The following ETV7 variants were observed in gnomAD, a reference collection of about 807,000 sequenced individuals.
The protein encoded by ETV7 is transcription factor ETV7.
Under a neutral mutation model 39.1 loss-of-function variants are expected in ETV7, and 43 were observed. The ratio of observed to expected loss-of-function variants is 1.10; its 90% CI spans 0.86 to 1.42. The LOEUF is 1.42. ETV7 is among the 40% of genes most tolerant of loss of function. ETV7 has a pLI of 0.00. For synonymous variants in ETV7, 196 were observed against 176.6 expected (o/e 1.11, Z -0.87); for missense variants, 432 against 442.3 (o/e 0.98, Z 0.21).
Position 36,366,250 on chromosome 6 carries a change from ACACTTTTTCCC to A in ETV7, c.*384_*394del. The A allele has an allele frequency of 9.6e-7, 1 of 1,045,174 alleles. No homozygotes were observed. Among genetic ancestry groups the A allele is most frequent in the South Asian group, 3.8e-5 (1 of 26,606 alleles). The allele number at this position is 1,045,174 out of a possible 1,614,324, so 64.7% of individuals were successfully genotyped here. ...CTGTCAGTGCCGCCTGGAAGCACTA[ACACTTTTTCCC>A]ATTTCCTGCCTCAGCCCATTTCACA... On this transcript the variant is annotated 3_prime_UTR_variant, in exon 8 of 8. Coordinates refer to ENST00000340181, the MANE Select transcript of ETV7 (RefSeq NM_016135.4).
intron 1 of ETV7, 86 bp downstream of exon 1, chr6:36,387,450 A>C: frequency 6.4e-7 from 1 of 1,564,052 alleles, no homozygotes; most frequent in East Asian, 2.2e-5. Context: ...CTGATAAAAT[A>C]GGTTTGGAAA....
chr6:36,387,094 C>CG (rs1773943365), intron 1 of ETV7, among the ~76,000 whole-genome samples: 1 of 152,038 alleles, frequency 6.6e-6, no homozygotes, highest in African/African-American at 2.4e-5. Context: ...TGGAGTGGGA[C>CG]GGGGCGCCAG....
chr6:36,387,663 G>T lies in ETV7; in HGVS notation c.-122C>A. ...CGCCAAACCCCTAACCTGGCTCCGAGAACTGGAAGGTCGCGTGGGAGGAAA... is the reference window on the plus strand; with the variant it reads ...CGCCAAACCCCTAACCTGGCTCCGATAACTGGAAGGTCGCGTGGGAGGAAA... On this transcript the variant is annotated 5_prime_UTR_variant, in exon 1 of 8. Coordinates refer to ENST00000340181, the MANE Select transcript of ETV7 (RefSeq NM_016135.4). 9.0e-7 allele frequency: 1 copy of T among 1,107,998 alleles called. No homozygotes were observed. The highest frequency in any genetic ancestry group is 1.3e-6 in the Non-Finnish European group (1 of 752,698). 68.6% of individuals were successfully genotyped at this position (1,107,998 alleles called of 1,614,324 possible).
intron 4 of ETV7, among the ~76,000 whole-genome samples, 198 bp from the exon 5 acceptor site, chr6:36,371,758 C>A (rs1582191185): frequency 6.6e-6 from 1 of 152,232 alleles, no homozygotes; most frequent in African/African-American, 2.4e-5. Flanking sequence ...AACCCCAGCT[C>A]CCACACAAGT....
In ETV7 at chr6:36,371,410, C is replaced by A; in HGVS notation, c.584G>T (p.Cys195Phe). The A allele has an allele frequency of 6.2e-7, 1 of 1,603,226 alleles. No individual in the cohort carries two copies. Among genetic ancestry groups the A allele is most frequent in the Non-Finnish European group, 8.5e-7 (1 of 1,174,262 alleles). The change falls in exon 5 of 8, where the codon TGT becomes TTT. Residue 195 changes from cysteine to phenylalanine, a missense_variant. Coordinates refer to ENST00000340181, the MANE Select transcript of ETV7 (RefSeq NM_016135.4). ...GKEESLNLCH[C>F]AELGCRTQGV... ...CTGGGTCCTGCAGCCGAGCTCTGCACAGTGACATAAGTTGAGGGACTCCTC... is the reference window on the plus strand; with the variant it reads ...CTGGGTCCTGCAGCCGAGCTCTGCAAAGTGACATAAGTTGAGGGACTCCTC...
At chr6:36,363,692 G>A (rs1469402871), downstream of ETV7, among the ~76,000 whole-genome samples, 1 of 152,178 alleles carries the variant, frequency 6.6e-6, no homozygotes. Flanking sequence ...GATTGGTAGA[G>A]CCCAGTGGTC....
At chr6:36,375,407 C>T (rs1220481688) in intron 3 of ETV7, among the ~76,000 whole-genome samples, 2 of 152,212 alleles carry the variant, frequency 1.3e-5, no homozygotes, top group African/African-American at 4.8e-5. Flanking sequence ...CATCATCTGA[C>T]ATTCATTCCT....
At chr6:36,355,978 A>G (rs1001722344) in intron 7 of ETV7, among the ~76,000 whole-genome samples, 1 of 152,238 alleles carries the variant, frequency 6.6e-6, no homozygotes, top group African/African-American at 2.4e-5. Flanking sequence ...GAACTTAAAG[A>G]GTATCAAACA....
Position 36,366,600 on chromosome 6 carries a change from G to C in ETV7, c.*45C>G. ...AGGAGTCTGCCTTCATGGGAGACTC[G>C]GTCCCTGCCCCATCGGTACCGGGTG... On this transcript the variant is annotated 3_prime_UTR_variant, in exon 8 of 8. Coordinates refer to ENST00000340181, the MANE Select transcript of ETV7 (RefSeq NM_016135.4). 6.2e-7 allele frequency: 1 copy of C among 1,613,054 alleles called. No individual in the cohort carries two copies. The highest frequency in any genetic ancestry group is 8.5e-7 in the Non-Finnish European group (1 of 1,179,422).
chr6:36,381,547 C>T (rs925743864), intron 2 of ETV7, among the ~76,000 whole-genome samples: 6 of 152,218 alleles, frequency 3.9e-5, no homozygotes, highest in Admixed American at 2.6e-4. Flanking sequence ...AACAGAGAGA[C>T]TAGCTTGCTT....
intron 7 of ETV7, among the ~76,000 whole-genome samples, chr6:36,355,359 TTTA>T (rs1474330295): frequency 6.6e-6 from 1 of 152,184 alleles, no homozygotes; most frequent in Non-Finnish European, 1.5e-5. Context: ...TGTCTTTCAT[TTTA>T]TTAGTGTGGT....
At chr6:36,362,750 GTGATTCA>G (rs1401148292), downstream of ETV7, among the ~76,000 whole-genome samples, 5 of 152,226 alleles carry the variant, frequency 3.3e-5, no homozygotes, top group Non-Finnish European at 7.3e-5. Context: ...ATCTCTGGCA[GTGATTCA>G]TGCCTGCTCT....
At chr6:36,386,931 G>A (rs1390920974) in intron 1 of ETV7, 2 of 166,252 alleles carry the variant, frequency 1.2e-5, no homozygotes, top group Non-Finnish European at 2.7e-5. Flanking sequence ...CCTCATCCAA[G>A]TAAGAGGAGC....
intron 2 of ETV7, among the ~76,000 whole-genome samples, chr6:36,379,678 C>T (rs981210120): frequency 6.6e-6 from 1 of 151,798 alleles, no homozygotes; most frequent in Non-Finnish European, 1.5e-5. Context: ...GAGTTTGAGA[C>T]CAGCCTGGCC....
chr6:36,360,219 A>G (rs1772451211), intron 7 of ETV7, among the ~76,000 whole-genome samples: 1 of 152,090 alleles, frequency 6.6e-6, no homozygotes, highest in African/African-American at 2.4e-5. Flanking sequence ...TCAGGTCTAC[A>G]TGGGTAGGGT....
chr6:36,363,247 G>C (rs1174702900), downstream of ETV7, among the ~76,000 whole-genome samples: 2 of 152,166 alleles, frequency 1.3e-5, no homozygotes, highest in African/African-American at 4.8e-5. Flanking sequence ...TGTTCTTTCT[G>C]ATGTTCCGAC....
Position 36,366,514 on chromosome 6 carries a change from C to G in ETV7, c.*131G>C. 1 of 1,532,806 alleles carries G rather than the reference C, an allele frequency of 6.5e-7. No homozygotes were observed. The highest frequency in any genetic ancestry group is 2.0e-5 in the Admixed American group (1 of 49,342). The allele number at this position is 1,532,806 out of a possible 1,614,324, so 95.0% of individuals were successfully genotyped here. ...TGGGAGGCCTCCCAGCCTTCCCAAG[C>G]AATGGCTGTAATCCTGTGGGTACAG... On this transcript the variant is annotated 3_prime_UTR_variant, in exon 8 of 8. Coordinates refer to ENST00000340181, the MANE Select transcript of ETV7 (RefSeq NM_016135.4).
chr6:36,358,503 C>T (rs1772396296), intron 7 of ETV7, among the ~76,000 whole-genome samples: 1 of 152,238 alleles, frequency 6.6e-6, no homozygotes. Context: ...TTGGCATATT[C>T]TGTTCCTAAG....
In ETV7 at chr6:36,356,323, C is replaced by CAA. The variant is rs59649348; in HGVS notation, c.909-1638_909-1637dup. Among the ~76,000 whole-genome samples the CAA allele has an allele frequency of 5.2e-3, 401 of 77,570 alleles. 8 individuals carry two copies. The highest frequency in any genetic ancestry group is 0.016 in the Middle Eastern group (2 of 122). 50.9% of individuals were successfully genotyped at this position (77,570 alleles called of 152,430 possible). Reference sequence around the variant, plus strand: ...TGGGTAAAAGAGTGAGACCCTGTCTCAAAAAAAAAAAAAAAACAAAAAAAA... The same window carrying CAA: ...TGGGTAAAAGAGTGAGACCCTGTCTCAAAAAAAAAAAAAAAAAACAAAAAAAA... On this transcript the variant is annotated intron_variant, in intron 7 of 7. Transcript: ENST00000339796.
Sources: allele counts gnomAD v4.1 joint callset (sites outside exome capture counted in the v4.1 genomes callset), GRCh38; gene constraint gnomAD v4.1.1; transcripts MANE v1.5; gene names NCBI Gene and HGNC (gene_info 2026-07-23, HGNC 2026-07-21).